The following SLC35B2 variants were observed in gnomAD, a reference collection of about 807,000 sequenced individuals.
SLC35B2 encodes solute carrier family 35 member B2, also known as adenosine 3'-phospho 5'-phosphosulfate transporter 1.
In SLC35B2, 19 loss-of-function variants were observed where a neutral mutation model predicts 37.9. The ratio of observed to expected loss-of-function variants is 0.50; its 90% CI spans 0.35 to 0.74. The LOEUF (loss-of-function observed/expected upper bound fraction) is 0.74. Among genes scored for constraint, SLC35B2 ranks in the 30% least tolerant of loss-of-function variants. The pLI is 0.01. For missense variants in SLC35B2, 633 were observed against 547.6 expected (o/e 1.16, Z -1.56); for synonymous variants, 277 against 225.2 (o/e 1.23, Z -2.06).
chr6:44,255,078 G>A lies in SLC35B2; in HGVS notation c.927C>T (p.Phe309=), dbSNP rs1781251893. The part of the protein sequence containing the change: ...SVQMMFGVNF[F]SCLFTVGSLL... ...GTGAGCCCACTGTGAAGAGGCAGGA[G>A]AAGAAATTGACCCCAAACATCATCT... The change falls in exon 4 of 4, where the codon TTC becomes TTT. Residue 309 remains phenylalanine (F), a synonymous_variant. Coordinates refer to ENST00000393812, the MANE Select transcript of SLC35B2 (RefSeq NM_178148.4). 1 of 1,614,250 alleles carries A rather than the reference G, an allele frequency of 6.2e-7. No homozygotes were observed. The highest frequency in any genetic ancestry group is 1.7e-5 in the Admixed American group (1 of 60,034).
At position 44,257,393 on chromosome 6, in the gene SLC35B2, C is replaced by T. The variant is rs1781683609; in HGVS notation, c.11+7G>A. ...TCACGTGAGCTCGCTGCTGCCCTAG[C>T]CCCCACCTGGCGTCCATGGTCCAGG... On this transcript the variant is annotated splice_region_variant and intron_variant, in intron 1 of 3. Coordinates refer to ENST00000393812, the MANE Select transcript of SLC35B2 (RefSeq NM_178148.4). 1.5e-5 allele frequency: 19 copies of T among 1,281,088 alleles called. No individual in the cohort carries two copies. Among genetic ancestry groups the T allele is most frequent in the African/African-American group, 4.6e-5 (3 of 64,902 alleles). 79.4% of individuals were successfully genotyped at this position (1,281,088 alleles called of 1,614,324 possible). A position where few individuals can be genotyped will look rare whatever the true frequency, so the allele number is the denominator to read the frequency against.
In SLC35B2 at chr6:44,254,843, G is replaced by A. The variant is rs1781209247; in HGVS notation, c.1162C>T (p.His388Tyr). The change falls in exon 4 of 4, where the codon CAC becomes TAC. Residue 388 changes from histidine (H) to tyrosine (Y), a missense_variant. His to Tyr is a moderately conservative substitution (Grantham distance 83). Transcript: ENST00000393812. ...AGCCCTCCCACCACAGTGACAGTGT[G>A]GCCATAGAGAAGGCAGGAAAGAAGG... ...AILLSCLLYG[H>Y]TVTVVGGLGV... 5 of 1,614,180 alleles carry A rather than the reference G, an allele frequency of 3.1e-6. No homozygotes were observed. Among genetic ancestry groups the A allele is most frequent in the Non-Finnish European group, 4.2e-6 (5 of 1,180,028 alleles).
At chr6:44,257,642 G>T (rs183381494), upstream of SLC35B2, 74 of 201,714 alleles carry the variant, frequency 3.7e-4, no homozygotes, top group East Asian at 7.7e-3. Context: ...AGGCAGACGC[G>T]GCTTGGGTTC....
chr6:44,256,958 T>C, intron 1 of SLC35B2, 80 bp from the exon 2 acceptor site: 1 of 1,411,180 alleles, frequency 7.1e-7, no homozygotes, highest in Non-Finnish European at 9.4e-7. Context: ...ACTGGAGTAG[T>C]GCCCGGAGTC....
chr6:44,256,922 C>T (rs1739381436), intron 1 of SLC35B2, 44 bp from the exon 2 acceptor site: 1 of 1,557,310 alleles, frequency 6.4e-7, no homozygotes, highest in South Asian at 1.2e-5. Context: ...AGCTCCTCAT[C>T]CCCTCCGCCC....
Position 44,256,834 on chromosome 6 carries a change from G to T in SLC35B2, c.56C>A (p.Ala19Glu), listed in dbSNP as rs1255368479. Residue 19 changes from alanine to glutamate, a missense_variant, in exon 2 of 4, where the codon GCA (alanine) becomes GAA (glutamate). By Grantham distance (107) the Ala-to-Glu change is moderately radical. Transcript: ENST00000393812. Reference protein sequence around the residue: ...VVLAAFPSLGAGGETPEAPPE... With the variant: ...VVLAAFPSLGEGGETPEAPPE... ...AGGGGCTTCGGGAGTCTCCCCACCT[G>T]CCCCTAGGGAGGGGAACGCAGCCAG... 1.1e-5 allele frequency: 17 copies of T among 1,612,086 alleles called. No homozygotes were observed. Among genetic ancestry groups the T allele is most frequent in the Non-Finnish European group, 1.4e-5 (16 of 1,179,078 alleles).
chr6:44,254,814 C>G lies in SLC35B2; in HGVS notation c.1191G>C (p.Gly397=). The G allele has an allele frequency of 1.2e-6, 2 of 1,614,208 alleles. No individual in the cohort carries two copies. Among genetic ancestry groups the G allele is most frequent in the Non-Finnish European group, 1.7e-6 (2 of 1,180,048 alleles). ...GHTVTVVGGL[G]VAVVFAALLL... ...GGAGGGCAGCAAAGACCACAGCCACCCCCAGCCCTCCCACCACAGTGACAG... is the reference window on the plus strand; with the variant it reads ...GGAGGGCAGCAAAGACCACAGCCACGCCCAGCCCTCCCACCACAGTGACAG... Residue 397 remains glycine, a synonymous_variant, in exon 4 of 4, where the codon GGG becomes GGC. Coordinates refer to ENST00000393812, the MANE Select transcript of SLC35B2 (RefSeq NM_178148.4).
chr6:44,255,447 G>A lies in SLC35B2; in HGVS notation c.558C>T (p.Tyr186=), dbSNP rs540633770. The stretch of plus-strand genomic sequence containing the variant: ...GCACATTGGACAGGCTGGCAAAGGA[G>A]TACCGGTACATGGGTGCCCCATGCC... ...QPRHGAPMYR[Y]SFASLSNVLS... Residue 186 remains tyrosine (Y), a synonymous_variant, in exon 4 of 4, where the codon TAC becomes TAT. Transcript: ENST00000393812. The A allele has an allele frequency of 4.3e-6, 7 of 1,614,256 alleles. No individual in the cohort carries two copies. The highest frequency in any genetic ancestry group is 1.7e-5 in the Admixed American group (1 of 60,034).
In SLC35B2 at chr6:44,254,931, G is replaced by A. The variant is rs1289978038; in HGVS notation, c.1074C>T (p.Thr358=). 2 of 1,614,168 alleles carry A rather than the reference G, an allele frequency of 1.2e-6. No individual in the cohort carries two copies. The highest frequency in any genetic ancestry group is 2.2e-5 in the East Asian group (1 of 44,884). ...AGACGGCAGCCCCAAACTGCCCAATGGTGTAAAAGATGAAGAGCTGGCCAC... is the reference window on the plus strand; with the variant it reads ...AGACGGCAGCCCCAAACTGCCCAATAGTGTAAAAGATGAAGAGCTGGCCAC... ...SACGQLFIFY[T]IGQFGAAVFT... The change falls in exon 4 of 4, where the codon ACC becomes ACT. Residue 358 remains threonine (T), a synonymous_variant. Transcript: ENST00000393812.
Position 44,256,889 on chromosome 6 carries a change from A to G in SLC35B2, c.12-11T>C. ...ACCACTGCCCACCATCTGTAAGGAA[A>G]GCGGACATAAGGATTAGGGCGCAGC... is the stretch of plus-strand genomic sequence containing the variant. On this transcript the variant is annotated splice_polypyrimidine_tract_variant and intron_variant, in intron 1 of 3. Coordinates refer to ENST00000393812, the MANE Select transcript of SLC35B2 (RefSeq NM_178148.4). 1 of 1,600,196 alleles carries G rather than the reference A, an allele frequency of 6.2e-7. No individual in the cohort carries two copies. The highest frequency in any genetic ancestry group is 8.5e-7 in the Non-Finnish European group (1 of 1,172,812).
chr6:44,256,472 AC>A lies in SLC35B2; in HGVS notation c.229del (p.Val77Ter). 1 of 1,614,186 alleles carries A rather than the reference AC, an allele frequency of 6.2e-7. No individual in the cohort carries two copies. Among genetic ancestry groups the A allele is most frequent in the Non-Finnish European group, 8.5e-7 (1 of 1,180,034 alleles). On this transcript the variant is annotated frameshift_variant, in exon 3 of 4. Transcript: ENST00000393812. LOFTEE classifies it high-confidence loss of function. ...CTCATTGCCAAACACACAAGCTTTC[AC>A]CAGGGGAAAGCAGAGGCCCCTACCT... The part of the protein sequence containing the change: ...ETGRGLCFPL[V>X]KACVFGNEPK...
intron 1 of SLC35B2, 106 bp downstream of exon 1, chr6:44,257,294 C>A: frequency 8.1e-7 from 1 of 1,232,850 alleles, no homozygotes; most frequent in Non-Finnish European, 1.0e-6. Flanking sequence ...GATATGCTGG[C>A]CGACGGCCGA....
At chr6:44,257,139 C>T (rs1400065396) in intron 1 of SLC35B2, 3 of 530,708 alleles carry the variant, frequency 5.7e-6, no homozygotes, top group Non-Finnish European at 9.5e-6. Flanking sequence ...CAACGCTAGC[C>T]GGCTGCTCAG....
rs1316195499 is a variant in SLC35B2 at position 44,254,873 on chromosome 6, C to T, written c.1132G>A (p.Ala378Thr). The T allele has an allele frequency of 6.2e-7, 1 of 1,614,204 alleles. No homozygotes were observed. The highest frequency in any genetic ancestry group is 8.5e-7 in the Non-Finnish European group (1 of 1,180,046). Reference protein sequence around the residue: ...TIIMTLRQAFAILLSCLLYGH... With the variant: ...TIIMTLRQAFTILLSCLLYGH... Reference sequence around the variant, plus strand: ...TAGAGAAGGCAGGAAAGAAGGATGGCAAAGGCCTGGCGGAGGGTCATGATG... The same window carrying T: ...TAGAGAAGGCAGGAAAGAAGGATGGTAAAGGCCTGGCGGAGGGTCATGATG... The change falls in exon 4 of 4, where the codon GCC becomes ACC. Residue 378 changes from alanine (A) to threonine (T), a missense_variant. Physicochemically the swap from Ala to Thr is moderately conservative, Grantham distance 58. Coordinates refer to ENST00000393812, the MANE Select transcript of SLC35B2 (RefSeq NM_178148.4).
rs1781186020 is a variant in SLC35B2 at position 44,254,743 on chromosome 6, T to G, written c.1262A>C (p.Lys421Thr). Residue 421 changes from lysine to threonine, a missense_variant, in exon 4 of 4, where the codon AAG becomes ACG. By Grantham distance (78) the Lys-to-Thr change is moderately conservative. Coordinates refer to ENST00000393812, the MANE Select transcript of SLC35B2 (RefSeq NM_178148.4). ...CACAGGAGACTCAACAGGCACAGCC[T>G]TCTTTCCCCGTTGCTTTAGACGGCC... Reference protein sequence around the residue: ...ARGRLKQRGKKAVPVESPVQK... With the variant: ...ARGRLKQRGKTAVPVESPVQK... 1.9e-6 allele frequency: 3 copies of G among 1,613,842 alleles called. No individual in the cohort carries two copies. The highest frequency in any genetic ancestry group is 1.3e-5 in the African/African-American group (1 of 74,990).
At position 44,255,306 on chromosome 6, in the gene SLC35B2, G is replaced by A; in HGVS notation, c.699C>T (p.Arg233=). Residue 233 remains arginine, a synonymous_variant, in exon 4 of 4, where the codon CGC becomes CGT. Coordinates refer to ENST00000393812, the MANE Select transcript of SLC35B2 (RefSeq NM_178148.4). The stretch of plus-strand genomic sequence containing the variant: ...TCAGGTACTCCCAGTGTTCGTAGCT[G>A]CGCCGAGACACAAGCTTTCCCATCA... ...VMLMGKLVSR[R]SYEHWEYLTA... is the part of the protein sequence containing the mutation. 1.2e-6 allele frequency: 2 copies of A among 1,614,266 alleles called. No homozygotes were observed. Among genetic ancestry groups the A allele is most frequent in the Non-Finnish European group, 1.7e-6 (2 of 1,180,048 alleles).
chr6:44,256,217 C>T lies in SLC35B2; in HGVS notation c.360+125G>A. 6 of 1,244,048 alleles carry T rather than the reference C, an allele frequency of 4.8e-6. No homozygotes were observed. In the Middle Eastern group the frequency reaches 1.1e-3, roughly 236 times the overall value. 77.1% of individuals were successfully genotyped at this position (1,244,048 alleles called of 1,614,324 possible). ...CCTCAAAGATGGAGGTGCAGTGTGC[C>T]CCTGGGAGGAGGACACGAAACACAC... On this transcript the variant is annotated intron_variant, in intron 3 of 3. Transcript: ENST00000393812.
At chr6:44,257,200 C>T in intron 1 of SLC35B2, 200 bp downstream of exon 1, 1 of 555,164 alleles carries the variant, frequency 1.8e-6, no homozygotes, top group Non-Finnish European at 2.8e-6. Flanking sequence ...TCCGGGACGT[C>T]AGGGTCCCCA....
chr6:44,255,751 A>C (rs1781367581), intron 3 of SLC35B2, 107 bp from the exon 4 acceptor site: 1 of 1,096,174 alleles, frequency 9.1e-7, no homozygotes, highest in African/African-American at 1.6e-5. Context: ...TTCAAAGGAA[A>C]ATATACACTT....
Sources: allele counts gnomAD v4.1 joint callset, GRCh38; gene constraint gnomAD v4.1.1; transcripts MANE v1.5; gene names NCBI Gene and HGNC (gene_info 2026-07-23, HGNC 2026-07-21).